The following CELA3B variants were observed in gnomAD, a reference collection of about 807,000 sequenced individuals.
The protein encoded by CELA3B is chymotrypsin-like elastase family member 3B.
In CELA3B, 34 loss-of-function variants were observed where a neutral mutation model predicts 37.2. The ratio of observed to expected loss-of-function variants is 0.91; its 90% CI spans 0.70 to 1.22. The LOEUF (loss-of-function observed/expected upper bound fraction) is 1.22. Ranked by LOEUF, CELA3B falls within the 50% of genes most tolerant of loss-of-function variation. CELA3B has a pLI of 0.00. For missense variants in CELA3B, 340 were observed against 363.1 expected (o/e 0.94, Z 0.52); for synonymous variants, 127 against 143.5 (o/e 0.89, Z 0.82).
chr1:21,991,583 G>T (rs868110151), downstream of CELA3B, among the ~76,000 whole-genome samples: 1 of 150,810 alleles, frequency 6.6e-6, no homozygotes, highest in African/African-American at 2.5e-5. Context: ...TGATCCACCC[G>T]CCTTGGCCTC....
intron 7 of CELA3B, 79 bp from the exon 8 acceptor site, chr1:21,989,183 A>C: frequency 6.3e-7 from 1 of 1,576,138 alleles, no homozygotes; most frequent in Non-Finnish European, 8.7e-7. Flanking sequence ...GCAGGGCTGG[A>C]AGTTGAACCC....
At chr1:21,980,953 C>G (rs371360060) in intron 3 of CELA3B, 32 bp downstream of exon 3, 4 of 1,614,020 alleles carry the variant, frequency 2.5e-6, no homozygotes, top group Non-Finnish European at 3.4e-6. Flanking sequence ...TGCCTGTGGC[C>G]CCGGGCAGCT....
In CELA3B at chr1:21,981,967, T is replaced by C. The variant is rs372581234; in HGVS notation, c.362+795T>C. The stretch of plus-strand genomic sequence containing the variant: ...ATCTCGATCTCCTGACCTCGTGATC[T>C]GCCCGCCTCGGCCTCCCAAAGTGCT... On this transcript the variant is annotated intron_variant, in intron 4 of 7. Coordinates refer to ENST00000337107, the MANE Select transcript of CELA3B (RefSeq NM_007352.4). 7.5e-3 allele frequency among the ~76,000 whole-genome samples: 1,137 copies of C among 152,172 alleles called. 4 individuals are homozygous for C. Among genetic ancestry groups the C allele is most frequent in the African/African-American group, 0.019 (775 of 41,548 alleles).
At chr1:21,987,732 T>G (rs912237085) in intron 7 of CELA3B, 2 of 149,984 alleles carry the variant, frequency 1.3e-5, no homozygotes, top group African/African-American at 5.0e-5. Flanking sequence ...CACCTGTGAA[T>G]AGCCACTGTA....
intron 6 of CELA3B, among the ~76,000 whole-genome samples, chr1:21,984,588 C>T (rs557250622): frequency 2.0e-5 from 3 of 152,164 alleles, no homozygotes; most frequent in East Asian, 1.9e-4. Context: ...CTCAGGCTTC[C>T]GCATCAGCAC....
intron 1 of CELA3B, 31 bp downstream of exon 1, chr1:21,977,113 G>A (rs749758300): frequency 6.2e-7 from 1 of 1,613,954 alleles, no homozygotes; most frequent in East Asian, 2.2e-5. Context: ...TGTGCTCCCT[G>A]GGCTGCCCTA....
At chr1:21,985,274 T>C (rs12025676) in intron 6 of CELA3B, among the ~76,000 whole-genome samples, 131,283 of 148,802 alleles carry the variant, frequency 0.88, 58,530 homozygotes, top group Middle Eastern at 0.95. Context: ...CAGAGCAAGA[T>C]GTTGTCTTTT....
downstream of CELA3B, among the ~76,000 whole-genome samples, chr1:21,994,134 A>G (rs561158686): frequency 2.6e-5 from 4 of 151,480 alleles, no homozygotes; most frequent in East Asian, 7.8e-4. Context: ...GAGAAGCTCC[A>G]GTCCTTAGAT....
downstream of CELA3B, among the ~76,000 whole-genome samples, chr1:21,990,108 AACTC>A (rs1644863993): frequency 6.7e-6 from 1 of 149,222 alleles, no homozygotes; most frequent in African/African-American, 2.5e-5. Context: ...ATCTGGCGAG[AACTC>A]ACTCACTATC....
At chr1:21,993,503 T>C (rs185902238), downstream of CELA3B, among the ~76,000 whole-genome samples, 58 of 150,890 alleles carry the variant, frequency 3.8e-4, 1 homozygote, top group African/African-American at 1.4e-3. Context: ...AAAGAAATTG[T>C]ATTTGTTCAT....
intron 2 of CELA3B, among the ~76,000 whole-genome samples, 156 bp downstream of exon 2, chr1:21,978,610 G>T (rs1644785664): frequency 6.6e-6 from 1 of 152,212 alleles, no homozygotes; most frequent in Non-Finnish European, 1.5e-5. Context: ...TTCACGGGGA[G>T]GTTTTGCCCA....
downstream of CELA3B, among the ~76,000 whole-genome samples, chr1:21,992,495 GT>G (rs1357834313): frequency 2.6e-5 from 4 of 151,392 alleles, no homozygotes; most frequent in African/African-American, 7.3e-5. Context: ...GACAGAACCA[GT>G]CCGTGGTCTG....
intron 2 of CELA3B, among the ~76,000 whole-genome samples, chr1:21,980,594 T>G (rs1299202815): frequency 1.4e-5 from 2 of 142,956 alleles, no homozygotes; most frequent in Non-Finnish European, 3.1e-5. Flanking sequence ...ATAGTGCTGG[T>G]GTGGGGAGGC....
intron 1 of CELA3B, 76 bp from the exon 2 acceptor site, chr1:21,978,293 C>G: frequency 6.4e-7 from 1 of 1,555,126 alleles, no homozygotes; most frequent in Non-Finnish European, 8.9e-7. Flanking sequence ...GAAGGCACGG[C>G]TTGGACTGGG....
At chr1:21,997,801 A>G (rs1644897239) in intron 4 of CELA3B, among the ~76,000 whole-genome samples, 1 of 151,422 alleles carries the variant, frequency 6.6e-6, no homozygotes, top group South Asian at 2.1e-4. Flanking sequence ...ATAGCTAGTT[A>G]AAATTTGTCT....
downstream of CELA3B, among the ~76,000 whole-genome samples, chr1:21,993,057 A>G (rs1223631800): frequency 6.6e-6 from 1 of 151,350 alleles, no homozygotes; most frequent in Non-Finnish European, 1.5e-5. Context: ...CCACATCACA[A>G]TATCCGCTTT....
intron 4 of CELA3B, among the ~76,000 whole-genome samples, chr1:21,982,511 T>G (rs1644811734): frequency 6.6e-6 from 1 of 151,666 alleles, no homozygotes; most frequent in Non-Finnish European, 1.5e-5. Context: ...GCAGGAGAAT[T>G]GCTTGAACCC....
At position 21,998,547 on chromosome 1, in the gene CELA3B, C is replaced by T. The variant is rs1436847721; in HGVS notation, c.*358C>T. ...ATCCTGCATGAATATCAGGCTCAAC[C>T]GTGCTTTCAGGGTAGGAAGCGGAGG... On this transcript the variant is annotated 3_prime_UTR_variant, in exon 5 of 5. Coordinates refer to the CELA3B transcript ENST00000400277. 7 of 173,768 alleles carry T rather than the reference C, an allele frequency of 4.0e-5. No homozygotes were observed. In the South Asian group the frequency reaches 8.7e-4, roughly 22 times the overall value. The allele number at this position is 173,768 out of a possible 1,614,324, so 10.8% of individuals were successfully genotyped here. A position where few individuals can be genotyped will look rare whatever the true frequency, so the allele number is the denominator to read the frequency against.
downstream of CELA3B, among the ~76,000 whole-genome samples, chr1:21,993,823 G>C (rs201454527): frequency 3.6e-3 from 525 of 145,990 alleles, no homozygotes; most frequent in East Asian, 0.064. Context: ...AGGATTACAG[G>C]TGTGAGCCAC....
Sources: allele counts gnomAD v4.1 joint callset (sites outside exome capture counted in the v4.1 genomes callset), GRCh38; gene constraint gnomAD v4.1.1; transcripts MANE v1.5; gene names NCBI Gene and HGNC (gene_info 2026-07-23, HGNC 2026-07-21).